ZBTB20: variants seen among roughly 807,000 people sequenced by gnomAD.
ZBTB20 encodes the protein zinc finger and BTB domain containing 20, also known as zinc finger and BTB domain-containing protein 20.
A neutral mutation model predicts 56.9 loss-of-function variants in ZBTB20; 9 were observed. That is an observed-to-expected ratio of 0.16 (90% CI 0.10 to 0.28). ZBTB20 has a LOEUF of 0.28. Ranked by LOEUF, ZBTB20 falls within the 10% of genes least tolerant of loss-of-function variation. The pLI is 1.00. For synonymous variants in ZBTB20, 417 were observed against 420.7 expected (o/e 0.99, Z 0.11); for missense variants, 655 against 1,003.0 (o/e 0.65, Z 4.69).
At chr3:114,527,940 A>G (rs890827682) in intron 6 of ZBTB20, among the ~76,000 whole-genome samples, 1 of 151,754 alleles carries the variant, frequency 6.6e-6, no homozygotes, top group African/African-American at 2.4e-5. Context: ...ACTATAAAAA[A>G]GTCATTCTTG....
At chr3:114,672,294 A>G (rs1175283719) in intron 6 of ZBTB20, among the ~76,000 whole-genome samples, 1 of 152,128 alleles carries the variant, frequency 6.6e-6, no homozygotes, top group African/African-American at 2.4e-5. Context: ...CGTAAACAGG[A>G]AGCTTATTAA....
At chr3:115,104,758 C>A (rs2083674245) in intron 1 of ZBTB20, among the ~76,000 whole-genome samples, 1 of 152,178 alleles carries the variant, frequency 6.6e-6, no homozygotes, top group Non-Finnish European at 1.5e-5. Flanking sequence ...GGCAGTGAAA[C>A]TACTTTGTAT....
rs1261543824 is a variant in ZBTB20 at position 114,337,507 on chromosome 3, A to C, written c.*1498T>G. The C allele has an allele frequency of 6.6e-6, 1 of 152,256 alleles. No homozygotes were observed. Among genetic ancestry groups the C allele is most frequent in the Non-Finnish European group, 1.5e-5 (1 of 68,054 alleles). The allele number at this position is 152,256 out of a possible 1,614,324, so 9.4% of individuals were successfully genotyped here. A position where few individuals can be genotyped will look rare whatever the true frequency, so the allele number is the denominator to read the frequency against. ...CTTTCTGAAAGATAAAGTCTCTTCC[A>C]TGAAAAAGAACAGAATTCTAGATGA... On this transcript the variant is annotated 3_prime_UTR_variant, in exon 12 of 12. Coordinates refer to ENST00000675478, the MANE Select transcript of ZBTB20 (RefSeq NM_001348800.3).
chr3:114,380,880 T>G lies in ZBTB20; in HGVS notation c.-93A>C. ...CTTGAGCTACCGTACTAGCTGTGCCTCTAACTTGCTGTGTGGCCTTGGGCA... is the reference window on the plus strand; with the variant it reads ...CTTGAGCTACCGTACTAGCTGTGCCGCTAACTTGCTGTGTGGCCTTGGGCA... On this transcript the variant is annotated 5_prime_UTR_variant, in exon 9 of 12. Coordinates refer to ENST00000675478, the MANE Select transcript of ZBTB20 (RefSeq NM_001348800.3). 1 of 1,199,130 alleles carries G rather than the reference T, an allele frequency of 8.3e-7. No individual in the cohort carries two copies. The highest frequency in any genetic ancestry group is 1.1e-6 in the Non-Finnish European group (1 of 908,196). 74.3% of individuals were successfully genotyped at this position (1,199,130 alleles called of 1,614,324 possible).
intron 2 of ZBTB20, among the ~76,000 whole-genome samples, chr3:115,067,720 A>T (rs1251240688): frequency 2.6e-5 from 4 of 152,134 alleles, no homozygotes; most frequent in African/African-American, 9.6e-5. Flanking sequence ...AATAGAACAG[A>T]AACATTGCAC....
At chr3:114,925,355 C>T (rs1196000939) in intron 3 of ZBTB20, among the ~76,000 whole-genome samples, 3 of 151,960 alleles carry the variant, frequency 2.0e-5, no homozygotes, top group African/African-American at 4.8e-5. Flanking sequence ...ACCATATTCC[C>T]TTTCATCTCT....
intron 4 of ZBTB20, among the ~76,000 whole-genome samples, chr3:114,801,925 C>A (rs2071749935): frequency 6.6e-6 from 1 of 151,768 alleles, no homozygotes; most frequent in Admixed American, 6.6e-5. Context: ...AATTAAGTAA[C>A]AGTCCAGGCA....
At chr3:115,105,829 TTTG>T (rs1319263197) in intron 1 of ZBTB20, among the ~76,000 whole-genome samples, 1 of 152,196 alleles carries the variant, frequency 6.6e-6, no homozygotes, top group Non-Finnish European at 1.5e-5. Context: ...GTTTTGTTTG[TTTG>T]TTTGTTTTTT....
intron 6 of ZBTB20, among the ~76,000 whole-genome samples, chr3:114,649,976 T>A (rs577995243): frequency 6.6e-6 from 1 of 151,902 alleles, no homozygotes; most frequent in South Asian, 2.1e-4. Context: ...GAGAAGCTAC[T>A]CCAGACTAGG....
chr3:114,516,859 G>A (rs1379623737), intron 6 of ZBTB20, among the ~76,000 whole-genome samples: 1 of 152,090 alleles, frequency 6.6e-6, no homozygotes, highest in East Asian at 1.9e-4. Flanking sequence ...AGAAGGAGCC[G>A]ACCCTGTTGA....
chr3:114,591,152 T>G (rs1369714877), intron 6 of ZBTB20, among the ~76,000 whole-genome samples: 2 of 152,226 alleles, frequency 1.3e-5, no homozygotes, highest in Non-Finnish European at 2.9e-5. Context: ...ATGTTAAATT[T>G]AAATTTGTTT....
In ZBTB20 at chr3:114,935,890, A is replaced by G. The variant is rs532649162; in HGVS notation, c.-455-35548T>C. 3.5e-3 allele frequency among the ~76,000 whole-genome samples: 538 copies of G among 152,240 alleles called. 3 individuals carry two copies. The highest frequency in any genetic ancestry group is 0.012 in the African/African-American group (511 of 41,532). ...CACCTAACACAGAGTACTCTTCTAC[A>G]CTCTAAATGTGCATGTTATAATTGC... On this transcript the variant is annotated intron_variant, in intron 3 of 11. Coordinates refer to ENST00000675478, the MANE Select transcript of ZBTB20 (RefSeq NM_001348800.3).
chr3:114,569,797 G>A lies in ZBTB20; in HGVS notation c.-294-69406C>T, dbSNP rs561887271. Among the ~76,000 whole-genome samples the A allele has an allele frequency of 6.6e-5, 10 of 151,478 alleles. No homozygotes were observed. In the East Asian group the frequency reaches 7.7e-4, roughly 12 times the overall value. ...CTTTCTATACATGAAACACAGAGTC[G>A]ATCACTAAGGACAGGACTGAACAGG... On this transcript the variant is annotated intron_variant, in intron 6 of 11. Transcript: ENST00000675478.
chr3:115,001,595 T>C (rs114715925), intron 2 of ZBTB20, among the ~76,000 whole-genome samples: 1 of 151,286 alleles, frequency 6.6e-6, no homozygotes, highest in Non-Finnish European at 1.5e-5. Context: ...TGTCTCAATA[T>C]ATTACCAATT....
chr3:114,843,419 A>G (rs2074482106), intron 4 of ZBTB20, among the ~76,000 whole-genome samples: 1 of 152,212 alleles, frequency 6.6e-6, no homozygotes. Context: ...GAGAAAAATC[A>G]TCTGAAAAAT....
chr3:114,689,269 GTCAGC>G (rs2062551551), intron 6 of ZBTB20, among the ~76,000 whole-genome samples: 1 of 152,160 alleles, frequency 6.6e-6, no homozygotes, highest in Non-Finnish European at 1.5e-5. Flanking sequence ...CAGAAAATAT[GTCAGC>G]TTCATTAAAC....
chr3:114,481,273 A>AAAC (rs1656629079), intron 7 of ZBTB20, among the ~76,000 whole-genome samples: 1 of 151,482 alleles, frequency 6.6e-6, no homozygotes, highest in Admixed American at 6.6e-5. Flanking sequence ...ATTAAAAAAA[A>AAAC]AAAAAACCTC....
At chr3:114,818,356 G>C (rs1372477488) in intron 4 of ZBTB20, among the ~76,000 whole-genome samples, 1 of 151,954 alleles carries the variant, frequency 6.6e-6, no homozygotes, top group East Asian at 1.9e-4. Flanking sequence ...GTTTTTTCTA[G>C]TTATGCAAGA....
chr3:114,558,050 A>G (rs2051480762), intron 6 of ZBTB20, among the ~76,000 whole-genome samples: 1 of 152,078 alleles, frequency 6.6e-6, no homozygotes. Flanking sequence ...TAAACACAAC[A>G]GAATTTTTTC....
Sources: gnomAD v4.1 joint callset for allele counts (sites outside exome capture counted in the v4.1 genomes callset) on GRCh38, gnomAD v4.1.1 for gene constraint, MANE v1.5 for transcripts, NCBI Gene and HGNC (gene_info 2026-07-23, HGNC 2026-07-21) for gene names.